The following RNGTT variants were observed in gnomAD, a reference collection of about 807,000 sequenced individuals.
The protein encoded by RNGTT is mRNA-capping enzyme.
In RNGTT, 33 loss-of-function variants were observed where a neutral mutation model predicts 79.3. The ratio of observed to expected loss-of-function variants is 0.42; its 90% CI spans 0.32 to 0.56. The LOEUF is 0.56. RNGTT is among the 20% of genes least tolerant of loss of function. RNGTT has a pLI of 0.17. For synonymous variants in RNGTT, 222 were observed against 235.9 expected, an observed-to-expected ratio of 0.94 and a Z score of 0.54; for missense variants, 497 against 739.1, an observed-to-expected ratio of 0.67 and a Z score of 3.80.
intron 11 of RNGTT, among the ~76,000 whole-genome samples, chr6:88,827,447 G>T (rs1343710894): frequency 6.6e-6 from 1 of 152,158 alleles, no homozygotes; most frequent in Non-Finnish European, 1.5e-5. Flanking sequence ...TGGGTTTCAA[G>T]CACAAAACTA....
chr6:88,661,453 G>A (rs1774181139), intron 14 of RNGTT, among the ~76,000 whole-genome samples: 1 of 151,896 alleles, frequency 6.6e-6, no homozygotes, highest in African/African-American at 2.4e-5. Context: ...AAAGAGAGAA[G>A]AATCAAACAA....
At chr6:88,909,486 C>T (rs1264968324) in intron 4 of RNGTT, among the ~76,000 whole-genome samples, 1 of 152,202 alleles carries the variant, frequency 6.6e-6, no homozygotes, top group East Asian at 1.9e-4. Flanking sequence ...GCACAGGGGA[C>T]TGGTAGGTCC....
intron 13 of RNGTT, among the ~76,000 whole-genome samples, chr6:88,738,727 C>T (rs1421197297): frequency 6.6e-6 from 1 of 152,044 alleles, no homozygotes; most frequent in Non-Finnish European, 1.5e-5. Flanking sequence ...ATAGGGTACA[C>T]TGTTTGTGGG....
At chr6:88,915,614 A>C (rs1490434801) in intron 4 of RNGTT, among the ~76,000 whole-genome samples, 1 of 152,212 alleles carries the variant, frequency 6.6e-6, no homozygotes, top group Non-Finnish European at 1.5e-5. Context: ...GGACTCCAAT[A>C]GGAGGAAGAG....
chr6:88,905,059 A>T, intron 5 of RNGTT, 104 bp from the exon 6 acceptor site: 3 of 1,397,914 alleles, frequency 2.1e-6, no homozygotes, highest in Non-Finnish European at 2.9e-6. Context: ...AGTACAACAG[A>T]AGTTTATAAA....
At chr6:88,843,627 C>A (rs983169541) in intron 11 of RNGTT, among the ~76,000 whole-genome samples, 1 of 132,612 alleles carries the variant, frequency 7.5e-6, no homozygotes, top group Non-Finnish European at 1.5e-5. Context: ...GGCGCAATCT[C>A]GGCTCACTGC....
chr6:88,742,033 T>C (rs1777509579), intron 13 of RNGTT, among the ~76,000 whole-genome samples: 1 of 152,206 alleles, frequency 6.6e-6, no homozygotes. Flanking sequence ...TAACTGATGT[T>C]AAAAAACATT....
At chr6:88,930,760 A>G (rs886926335) in intron 2 of RNGTT, among the ~76,000 whole-genome samples, 1 of 152,152 alleles carries the variant, frequency 6.6e-6, no homozygotes. Flanking sequence ...TGGCAGACCT[A>G]TCTCTCATCT....
chr6:88,744,232 C>T (rs1483247865), intron 13 of RNGTT, among the ~76,000 whole-genome samples: 1 of 151,780 alleles, frequency 6.6e-6, no homozygotes, highest in Non-Finnish European at 1.5e-5. Flanking sequence ...TAGGATTGTT[C>T]TTATTACTCC....
At chr6:88,740,305 G>C (rs1366377570) in intron 13 of RNGTT, among the ~76,000 whole-genome samples, 3 of 151,998 alleles carry the variant, frequency 2.0e-5, no homozygotes, top group African/African-American at 7.2e-5. Context: ...AATCGCTTGA[G>C]CCCAGAATTT....
In RNGTT at chr6:88,648,842, T is replaced by C. The variant is rs571705000; in HGVS notation, c.1506+29511A>G. ...CTGACACATCACATCCAACTTTGTG[T>C]TATAATTACCTTTTTACAGAGCGAT... is the stretch of plus-strand genomic sequence containing the variant. On this transcript the variant is annotated intron_variant, in intron 14 of 15. Transcript: ENST00000369485. 9.4e-4 allele frequency among the ~76,000 whole-genome samples: 143 copies of C among 152,328 alleles called. 5 individuals carry two copies. The South Asian group carries it at 0.029, about 31-fold the overall frequency.
In RNGTT at chr6:88,731,853, A is replaced by G. The variant is rs551017443; in HGVS notation, c.1439+37921T>C. On this transcript the variant is annotated intron_variant, in intron 13 of 15. Transcript: ENST00000369485. ...CCTGCTGTTGACCAGAAGCCTTACC[A>G]ATAACATAATCAATTAACATATATT... 2.6e-5 allele frequency among the ~76,000 whole-genome samples: 4 copies of G among 152,300 alleles called. No individual in the cohort carries two copies. The East Asian group carries it at 5.8e-4, about 22-fold the overall frequency.
chr6:88,653,575 G>C (rs1422748991), intron 14 of RNGTT, among the ~76,000 whole-genome samples: 1 of 152,086 alleles, frequency 6.6e-6, no homozygotes, highest in Non-Finnish European at 1.5e-5. Flanking sequence ...AAATAAAATT[G>C]ATTTATATTG....
intron 13 of RNGTT, among the ~76,000 whole-genome samples, chr6:88,761,747 T>C (rs142055117): frequency 6.6e-6 from 1 of 152,138 alleles, no homozygotes; most frequent in African/African-American, 2.4e-5. Context: ...ACTTGAGTAG[T>C]TGAGATACAT....
chr6:88,628,994 A>G (rs1250681534), intron 14 of RNGTT, among the ~76,000 whole-genome samples: 2 of 149,328 alleles, frequency 1.3e-5, no homozygotes, highest in Non-Finnish European at 3.0e-5. Context: ...GAAATAAGAA[A>G]CATAGGCTGC....
chr6:88,678,318 T>C, intron 14 of RNGTT, 35 bp downstream of exon 14: 1 of 1,584,244 alleles, frequency 6.3e-7, no homozygotes, highest in Non-Finnish European at 8.6e-7. Flanking sequence ...TAAGAGAACA[T>C]CCAGGAAAAG....
chr6:88,886,858 T>C (rs569329536), intron 8 of RNGTT, among the ~76,000 whole-genome samples: 3 of 152,258 alleles, frequency 2.0e-5, no homozygotes, highest in African/African-American at 2.4e-5. Context: ...TACCTGGCTT[T>C]ACATTTCAGA....
At position 88,949,154 on chromosome 6, in the gene RNGTT, A is replaced by G. The variant is rs1196615096; in HGVS notation, c.65-7974T>C. The stretch of plus-strand genomic sequence containing the variant: ...ATAAAAATAAAAAATAAAATAAAAT[A>G]AAATGAAAAAAAAAAAAAAAAAAAG... On this transcript the variant is annotated intron_variant, in intron 1 of 15. Coordinates refer to ENST00000369485, the MANE Select transcript of RNGTT (RefSeq NM_003800.5). Among the ~76,000 whole-genome samples, 315 of 117,512 alleles carry G rather than the reference A, an allele frequency of 2.7e-3. 1 individual carries two copies. The highest frequency in any genetic ancestry group is 9.8e-3 in the African/African-American group (289 of 29,360). The allele number at this position is 117,512 out of a possible 152,430, so 77.1% of individuals were successfully genotyped here.
chr6:88,956,181 CA>C (rs1323626905), intron 1 of RNGTT, among the ~76,000 whole-genome samples: 1 of 148,218 alleles, frequency 6.7e-6, no homozygotes, highest in Non-Finnish European at 1.5e-5. Flanking sequence ...ACAACCGATA[CA>C]ACAAAAATAT....
Sources: gnomAD v4.1 joint callset for allele counts (sites outside exome capture counted in the v4.1 genomes callset) on GRCh38, gnomAD v4.1.1 for gene constraint, MANE v1.5 for transcripts, NCBI Gene and HGNC (gene_info 2026-07-23, HGNC 2026-07-21) for gene names.